The following MCUB variants were observed in gnomAD, a reference collection of about 807,000 sequenced individuals.
MCUB encodes the protein mitochondrial calcium uniporter dominant negative subunit beta.
MCUB carries 46 observed loss-of-function variants against 41.4 expected under a neutral mutation model. The observed-to-expected ratio is 1.11, with a 90% CI of 0.88 to 1.42. MCUB has a LOEUF of 1.42. Ranked by LOEUF, MCUB falls within the 40% of genes most tolerant of loss-of-function variation. MCUB has a pLI of 0.00. For missense variants in MCUB, 403 were observed against 404.9 expected (o/e 1.00, Z 0.04); for synonymous variants, 148 against 148.2 (o/e 1.00, Z 0.01).
chr4:109,631,972 C>T (rs1728482787), intron 1 of MCUB, among the ~76,000 whole-genome samples: 1 of 152,146 alleles, frequency 6.6e-6, no homozygotes, highest in African/African-American at 2.4e-5. Flanking sequence ...CGGCAGGCCC[C>T]TTTCACAGCC....
At chr4:109,586,011 G>A (rs1482265035) in intron 1 of MCUB, among the ~76,000 whole-genome samples, 3 of 152,186 alleles carry the variant, frequency 2.0e-5, no homozygotes, top group South Asian at 2.1e-4. Context: ...GGTTGGGGAA[G>A]TTCTCCTGGA....
chr4:109,639,177 G>A (rs1315009028), intron 1 of MCUB, among the ~76,000 whole-genome samples: 1 of 152,138 alleles, frequency 6.6e-6, no homozygotes, highest in African/African-American at 2.4e-5. Flanking sequence ...GGCAGTTATA[G>A]CCTTACAAAA....
intron 4 of MCUB, 66 bp from the exon 5 acceptor site, chr4:109,682,516 G>C: frequency 7.4e-7 from 1 of 1,358,048 alleles, no homozygotes; most frequent in African/African-American, 1.5e-5. Flanking sequence ...ATTGGGGACC[G>C]AAAGATTTAC....
chr4:109,592,731 A>C (rs546713368), intron 1 of MCUB, among the ~76,000 whole-genome samples: 1 of 152,204 alleles, frequency 6.6e-6, no homozygotes, highest in South Asian at 2.1e-4. Context: ...TTTTAAAATA[A>C]AATTTTAAAT....
chr4:109,629,283 T>C (rs1363375476), intron 1 of MCUB, among the ~76,000 whole-genome samples: 1 of 152,170 alleles, frequency 6.6e-6, no homozygotes, highest in Non-Finnish European at 1.5e-5. Flanking sequence ...AGAGCTTTTG[T>C]CCAGCCTAGA....
intron 1 of MCUB, among the ~76,000 whole-genome samples, chr4:109,641,250 AC>A (rs1294032505): frequency 1.4e-5 from 2 of 141,466 alleles, no homozygotes; most frequent in Non-Finnish European, 3.0e-5. Context: ...CCGCCATAAC[AC>A]CCGGCTACTT....
chr4:109,674,178 T>C, intron 4 of MCUB: 1 of 866,588 alleles, frequency 1.2e-6, no homozygotes, highest in South Asian at 1.3e-5. Flanking sequence ...CGTCTCATTA[T>C]TGAAGTTACC....
intron 1 of MCUB, among the ~76,000 whole-genome samples, chr4:109,639,049 A>C (rs1392453308): frequency 6.6e-6 from 1 of 152,186 alleles, no homozygotes; most frequent in Non-Finnish European, 1.5e-5. Flanking sequence ...GTTAATGTGG[A>C]TATTTTGAGC....
rs1292748638 is a variant in MCUB at position 109,660,764 on chromosome 4, C to T, written c.346+399C>T. On this transcript the variant is annotated intron_variant, in intron 3 of 7. Coordinates refer to ENST00000394650, the MANE Select transcript of MCUB (RefSeq NM_017918.5). ...CCAGGAGGCAGAGGTTGCAGTGAGCCGAGATCACGCCATTGCACTCCAGTC... is the reference window on the plus strand; with the variant it reads ...CCAGGAGGCAGAGGTTGCAGTGAGCTGAGATCACGCCATTGCACTCCAGTC... Among the ~76,000 whole-genome samples, 5 of 151,188 alleles carry T rather than the reference C, an allele frequency of 3.3e-5. No individual in the cohort carries two copies. The South Asian group carries it at 6.3e-4, about 19-fold the overall frequency.
At chr4:109,670,726 A>G (rs534282769) in intron 4 of MCUB, among the ~76,000 whole-genome samples, 6 of 152,036 alleles carry the variant, frequency 3.9e-5, no homozygotes, top group Non-Finnish European at 5.9e-5. Flanking sequence ...CTCCAAAAAA[A>G]AAAAAGAAAA....
chr4:109,620,931 C>G (rs1196076380), intron 1 of MCUB, among the ~76,000 whole-genome samples: 1 of 151,198 alleles, frequency 6.6e-6, no homozygotes, highest in East Asian at 1.9e-4. Flanking sequence ...TGGAGTCTCT[C>G]TCTGTCACCC....
intron 2 of MCUB, 86 bp downstream of exon 2, chr4:109,659,172 T>C (rs1028414169): frequency 4.8e-6 from 4 of 841,534 alleles, no homozygotes; most frequent in Middle Eastern, 2.9e-4. Flanking sequence ...TTGAGCAGAA[T>C]AGACTTTTCT....
At chr4:109,622,968 G>A (rs991291766) in intron 1 of MCUB, among the ~76,000 whole-genome samples, 20 of 152,116 alleles carry the variant, frequency 1.3e-4, no homozygotes, top group Middle Eastern at 3.2e-3. Flanking sequence ...TGTGTTTCGC[G>A]CTTTTGCATC....
intron 1 of MCUB, among the ~76,000 whole-genome samples, chr4:109,587,339 T>C (rs1727332684): frequency 6.6e-6 from 1 of 152,210 alleles, no homozygotes; most frequent in South Asian, 2.1e-4. Context: ...GGCGAGAGTG[T>C]CCCGTTTTTC....
intron 4 of MCUB, among the ~76,000 whole-genome samples, chr4:109,681,957 G>C (rs1241197601): frequency 6.6e-6 from 1 of 152,232 alleles, no homozygotes; most frequent in Non-Finnish European, 1.5e-5. Flanking sequence ...GCCATTGCTG[G>C]CTCGAATGCC....
intron 1 of MCUB, among the ~76,000 whole-genome samples, chr4:109,584,732 C>T (rs774252242): frequency 2.0e-5 from 3 of 152,094 alleles, no homozygotes; most frequent in Non-Finnish European, 4.4e-5. Flanking sequence ...TTCAGGAGCA[C>T]GTTGTTCAGT....
chr4:109,673,506 G>A (rs1210902983), intron 4 of MCUB, among the ~76,000 whole-genome samples: 1 of 152,192 alleles, frequency 6.6e-6, no homozygotes, highest in Non-Finnish European at 1.5e-5. Context: ...TATGAAAACT[G>A]TATCAGACTT....
At chr4:109,571,602 C>T (rs994522259) in intron 1 of MCUB, among the ~76,000 whole-genome samples, 9 of 152,204 alleles carry the variant, frequency 5.9e-5, no homozygotes, top group Admixed American at 1.3e-4. Flanking sequence ...CATGAGCCAC[C>T]GTGCCAGGCT....
chr4:109,600,172 A>T (rs197217), intron 1 of MCUB, among the ~76,000 whole-genome samples: 80,597 of 151,994 alleles, frequency 0.53, 21,685 homozygotes, highest in South Asian at 0.69. Flanking sequence ...TGGCACTTTA[A>T]TGTGATTCAA....
Sources: gnomAD v4.1 joint callset for allele counts (sites outside exome capture counted in the v4.1 genomes callset) on GRCh38, gnomAD v4.1.1 for gene constraint, MANE v1.5 for transcripts, NCBI Gene and HGNC (gene_info 2026-07-23, HGNC 2026-07-21) for gene names.